The following CYB5D2 variants were observed in gnomAD, a reference collection of about 807,000 sequenced individuals.
CYB5D2 encodes the protein neuferricin.
In CYB5D2, 23 loss-of-function variants were observed where a neutral mutation model predicts 22.8. The ratio of observed to expected loss-of-function variants is 1.01; its 90% CI spans 0.73 to 1.43. The LOEUF is 1.43. Among genes scored for constraint, CYB5D2 ranks in the 40% most tolerant of loss-of-function variants. CYB5D2 has a pLI of 0.00. For synonymous variants in CYB5D2, 170 were observed against 152.2 expected (o/e 1.12, Z -0.86); for missense variants, 373 against 357.2 (o/e 1.04, Z -0.36).
At chr17:4,152,342 AG>A (rs1475966266) in intron 2 of CYB5D2, among the ~76,000 whole-genome samples, 2 of 152,176 alleles carry the variant, frequency 1.3e-5, no homozygotes, top group Non-Finnish European at 2.9e-5. Flanking sequence ...AGGCTCTTTC[AG>A]GTTACCAGAA....
intron 2 of CYB5D2, among the ~76,000 whole-genome samples, chr17:4,152,386 T>C (rs1267555284): frequency 6.6e-6 from 1 of 152,200 alleles, no homozygotes; most frequent in Admixed American, 6.5e-5. Context: ...TGAAGGTTTA[T>C]TGTAAGGGTA....
Position 4,154,696 on chromosome 17 carries a change from C to T in CYB5D2, c.414C>T (p.Tyr138=), listed in dbSNP as rs772884778. 7 of 1,613,998 alleles carry T rather than the reference C, an allele frequency of 4.3e-6. No homozygotes were observed. Among genetic ancestry groups the T allele is most frequent in the East Asian group, 4.5e-5 (2 of 44,894 alleles). ...CAGGGAGGGTGACAGGACGGTTCTA[C>T]GGAGAGGATGGGCTGCCCACCCCGG... ...VCVGRVTGRF[Y]GEDGLPTPAL... The change falls in exon 3 of 4, where the codon TAC becomes TAT. Residue 138 remains tyrosine (Y), a synonymous_variant. Transcript: ENST00000301391.
chr17:4,143,995 C>T lies in CYB5D2; in HGVS notation c.240C>T (p.Ser80=), dbSNP rs2142992035. 1.2e-6 allele frequency: 2 copies of T among 1,603,740 alleles called. No homozygotes were observed. Among genetic ancestry groups the T allele is most frequent in the Non-Finnish European group, 1.7e-6 (2 of 1,175,018 alleles). The change falls in exon 1 of 4, where the codon AGC becomes AGT. Residue 80 remains serine, a synonymous_variant. Transcript: ENST00000301391. ...RRHYEPGSHY[S]GFAGRDASRA... ...ACTACGAGCCTGGGTCCCACTATAG[C>T]GGCTTCGCAGGTATCAGCGAGGCTG...
In CYB5D2 at chr17:4,157,190, C is replaced by T. The variant is rs139545488; in HGVS notation, c.*108C>T. 3.3e-6 allele frequency: 4 copies of T among 1,212,968 alleles called. No individual in the cohort carries two copies. The African/African-American group carries it at 6.0e-5, about 18-fold the overall frequency. The allele number at this position is 1,212,968 out of a possible 1,614,324, so 75.1% of individuals were successfully genotyped here. The stretch of plus-strand genomic sequence containing the variant: ...GCCTCCTGGCGCGAATCAGGAGGGT[C>T]TGGAAGGACTCTGGCTATATTCTGC... On this transcript the variant is annotated 3_prime_UTR_variant, in exon 4 of 4. Transcript: ENST00000301391. This position sits in a 1 kb window ranked among gnomAD's most constrained non-coding sequence, Gnocchi z 4.4.
At chr17:4,147,476 T>C (rs1223278351) in intron 1 of CYB5D2, among the ~76,000 whole-genome samples, 1 of 152,146 alleles carries the variant, frequency 6.6e-6, no homozygotes, top group African/African-American at 2.4e-5. Context: ...TTGTGAAAAG[T>C]GTTAAAAGGA....
At chr17:4,152,612 C>T (rs1185497129) in intron 2 of CYB5D2, among the ~76,000 whole-genome samples, 2 of 152,176 alleles carry the variant, frequency 1.3e-5, no homozygotes, top group East Asian at 3.8e-4. Flanking sequence ...CAGAAACTCA[C>T]CAAAGACAGG....
chr17:4,147,876 G>A (rs1224034110), intron 1 of CYB5D2, among the ~76,000 whole-genome samples: 3 of 152,086 alleles, frequency 2.0e-5, no homozygotes, highest in Admixed American at 2.0e-4. Context: ...ACAGAAATTT[G>A]GCAAGGCAGC....
intron 2 of CYB5D2, among the ~76,000 whole-genome samples, chr17:4,152,669 T>C (rs2142994601): frequency 6.6e-6 from 1 of 152,330 alleles, no homozygotes; most frequent in Non-Finnish European, 1.5e-5. Context: ...AGTGGGAAAT[T>C]CTGTGCCAGG....
chr17:4,143,585 G>A lies in CYB5D2; in HGVS notation c.-171G>A, dbSNP rs2058918700. The A allele has an allele frequency of 3.3e-6, 3 of 914,624 alleles. No homozygotes were observed. Among genetic ancestry groups the A allele is most frequent in the Admixed American group, 2.8e-5 (1 of 35,638 alleles). The allele number at this position is 914,624 out of a possible 1,614,324, so 56.7% of individuals were successfully genotyped here. A position where few individuals can be genotyped will look rare whatever the true frequency, so the allele number is the denominator to read the frequency against. On this transcript the variant is annotated 5_prime_UTR_variant, in exon 1 of 4. Coordinates refer to ENST00000301391, the MANE Select transcript of CYB5D2 (RefSeq NM_144611.4). ...CGCAGACAGCGAGCTTTTCGCCAGT[G>A]CCAGGAATACAGATAAAACGAGAGA...
chr17:4,152,802 G>A (rs1359204466), intron 2 of CYB5D2, among the ~76,000 whole-genome samples: 2 of 152,150 alleles, frequency 1.3e-5, no homozygotes, highest in African/African-American at 4.8e-5. Context: ...TTTTCAGATG[G>A]AGTCTTGCTT....
intron 1 of CYB5D2, among the ~76,000 whole-genome samples, chr17:4,147,517 G>A (rs1188771989): frequency 6.6e-6 from 1 of 152,200 alleles, no homozygotes; most frequent in Admixed American, 6.5e-5. Flanking sequence ...GGCTGTAACC[G>A]ATTTGAAGAG....
rs1227080130 is a variant in CYB5D2 at position 4,143,822 on chromosome 17, G to A, written c.67G>A (p.Ala23Thr). Residue 23 changes from alanine to threonine, a missense_variant, in exon 1 of 4, where the codon GCA becomes ACA. By Grantham distance (58) the Ala-to-Thr change is moderately conservative. Coordinates refer to ENST00000301391, the MANE Select transcript of CYB5D2 (RefSeq NM_144611.4). ...LAVAAAAVMA[A>T]RLMGWWGPRA... is the part of the protein sequence containing the mutation. ...TGTAGCCGCAGCAGCGGTAATGGCAGCACGGCTTATGGGCTGGTGGGGTCC... is the reference window on the plus strand; with the variant it reads ...TGTAGCCGCAGCAGCGGTAATGGCAACACGGCTTATGGGCTGGTGGGGTCC... The A allele has an allele frequency of 6.2e-7, 1 of 1,614,058 alleles. No homozygotes were observed. The highest frequency in any genetic ancestry group is 8.5e-7 in the Non-Finnish European group (1 of 1,180,022).
intron 1 of CYB5D2, among the ~76,000 whole-genome samples, chr17:4,146,679 C>A (rs1470547524): frequency 1.3e-5 from 2 of 150,232 alleles, no homozygotes; most frequent in African/African-American, 2.5e-5. Flanking sequence ...CCTGAGCCAC[C>A]GCGCCTGGCC....
At chr17:4,146,479 C>A (rs1185787843) in intron 1 of CYB5D2, among the ~76,000 whole-genome samples, 1 of 151,978 alleles carries the variant, frequency 6.6e-6, no homozygotes, top group East Asian at 1.9e-4. Context: ...CAAGCTCCGC[C>A]TCCTGAGTTC....
rs766394921 is a variant in CYB5D2, at chr17:4,143,939, C to A, written c.184C>A (p.Arg62Ser). The A allele has an allele frequency of 2.5e-6, 4 of 1,613,398 alleles. No homozygotes were observed. The highest frequency in any genetic ancestry group is 3.4e-6 in the Non-Finnish European group (4 of 1,180,012). The change falls in exon 1 of 4, where the codon CGT becomes AGT. Residue 62 changes from arginine to serine, a missense_variant. By Grantham distance (110) the Arg-to-Ser change is moderately radical. Coordinates refer to ENST00000301391, the MANE Select transcript of CYB5D2 (RefSeq NM_144611.4). ...DPGLYLALLGRVYDVSSGRRH... is the reference protein window; with the variant it reads ...DPGLYLALLGSVYDVSSGRRH... ...GGGCCTGTACTTGGCGTTGCTCGGC[C>A]GTGTCTACGATGTGTCCTCCGGCCG...
At chr17:4,156,114 T>C (rs1265322209) in intron 3 of CYB5D2, among the ~76,000 whole-genome samples, 2 of 152,214 alleles carry the variant, frequency 1.3e-5, no homozygotes, top group Non-Finnish European at 2.9e-5. Flanking sequence ...CTGGGGGCAG[T>C]TTCTCTGACA....
At chr17:4,145,509 T>C (rs1005528987) in intron 1 of CYB5D2, among the ~76,000 whole-genome samples, 10 of 152,232 alleles carry the variant, frequency 6.6e-5, no homozygotes, top group Non-Finnish European at 1.2e-4. Context: ...GTTGGATGTT[T>C]GCACAAGTGT....
At chr17:4,148,227 G>C (rs2059014088) in intron 1 of CYB5D2, among the ~76,000 whole-genome samples, 1 of 150,730 alleles carries the variant, frequency 6.6e-6, no homozygotes, top group African/African-American at 2.4e-5. Context: ...GAAGTGTTAG[G>C]AACTGCAGGC....
chr17:4,155,228 C>A (rs1306906239), intron 3 of CYB5D2, among the ~76,000 whole-genome samples: 2 of 152,126 alleles, frequency 1.3e-5, no homozygotes, highest in Admixed American at 1.3e-4. Flanking sequence ...GCTTTGGTTT[C>A]CTGTTTGACA....
Sources: allele counts gnomAD v4.1 joint callset (sites outside exome capture counted in the v4.1 genomes callset), GRCh38; gene constraint gnomAD v4.1.1; non-coding constraint Gnocchi (gnomAD v3.1); transcripts MANE v1.5; gene names NCBI Gene and HGNC (gene_info 2026-07-23, HGNC 2026-07-21).